CORO2A: variants seen among roughly 807,000 people sequenced by gnomAD.
CORO2A encodes coronin 2A.
CORO2A carries 47 observed loss-of-function variants against 62.4 expected under a neutral mutation model. The observed-to-expected ratio is 0.75, with a 90% CI of 0.60 to 0.96. The LOEUF is 0.96. Ranked by LOEUF, CORO2A falls within the 40% of genes least tolerant of loss-of-function variation. The pLI is 0.00. For synonymous variants in CORO2A, 273 were observed against 268.9 expected (o/e 1.02, Z -0.15); for missense variants, 610 against 684.1 (o/e 0.89, Z 1.21).
chr9:98,165,263 C>T (rs546223073), intron 1 of CORO2A, among the ~76,000 whole-genome samples: 77 of 152,256 alleles, frequency 5.1e-4, no homozygotes, highest in African/African-American at 1.8e-3. Flanking sequence ...CTGGCTTACA[C>T]GTAACAATTC....
intron 2 of CORO2A, among the ~76,000 whole-genome samples, chr9:98,138,777 G>A (rs534130580): frequency 2.6e-5 from 4 of 152,212 alleles, no homozygotes; most frequent in South Asian, 2.1e-4. Context: ...GGCTGGGCGC[G>A]GTGGCTCACG....
intron 10 of CORO2A, among the ~76,000 whole-genome samples, chr9:98,127,299 A>C (rs1827335462): frequency 6.6e-6 from 1 of 152,092 alleles, no homozygotes; most frequent in Admixed American, 6.5e-5. Flanking sequence ...GCTGCCCCCC[A>C]AGGCAGAGGC....
intron 2 of CORO2A, among the ~76,000 whole-genome samples, chr9:98,153,065 T>C (rs1206987227): frequency 2.0e-5 from 3 of 152,190 alleles, no homozygotes; most frequent in Non-Finnish European, 4.4e-5. Context: ...CGAAGTACAG[T>C]ATTTGGGGGT....
chr9:98,135,090 G>C, intron 3 of CORO2A, 135 bp from the exon 4 acceptor site: 2 of 1,173,710 alleles, frequency 1.7e-6, no homozygotes, highest in South Asian at 1.6e-5. Context: ...CCACTCAGTG[G>C]CTATGGGCAT....
rs140507340 is a variant in CORO2A, at chr9:98,183,893, G to A, written c.-1+8666C>T. Among the ~76,000 whole-genome samples the A allele has an allele frequency of 5.3e-3, 803 of 152,290 alleles. 11 individuals carry two copies. The highest frequency in any genetic ancestry group is 0.017 in the African/African-American group (718 of 41,552). On this transcript the variant is annotated intron_variant, in intron 1 of 11. Coordinates refer to ENST00000375077, the MANE Select transcript of CORO2A (RefSeq NM_052820.4). ...CAAGAATCACTTGAACCCGGGAGGC[G>A]GAGTTTGCAGTGAGCTGAGATTGTG...
At chr9:98,130,926 A>G (rs2231664) in intron 7 of CORO2A, 29 bp downstream of exon 7, 1 of 1,580,286 alleles carries the variant, frequency 6.3e-7, no homozygotes, top group Admixed American at 1.7e-5. Context: ...GGGGTCCAGG[A>G]GGTCACCTCC....
intron 1 of CORO2A, among the ~76,000 whole-genome samples, chr9:98,189,219 C>G (rs1436536510): frequency 6.6e-6 from 1 of 152,152 alleles, no homozygotes; most frequent in African/African-American, 2.4e-5. Flanking sequence ...GCCTGCAGAC[C>G]CCCAGGAGGC....
chr9:98,183,174 A>G (rs1442671042), intron 1 of CORO2A, among the ~76,000 whole-genome samples: 4 of 80,600 alleles, frequency 5.0e-5, no homozygotes, highest in Admixed American at 3.9e-4. Flanking sequence ...AAAGCGGCCC[A>G]AACTTCAGCA....
intron 2 of CORO2A, among the ~76,000 whole-genome samples, chr9:98,156,885 G>A (rs1175891357): frequency 6.6e-6 from 1 of 152,176 alleles, no homozygotes; most frequent in East Asian, 1.9e-4. Context: ...GCCCCTTCAG[G>A]TGTTCTGCCT....
intron 5 of CORO2A, 150 bp downstream of exon 5, chr9:98,132,888 G>T: frequency 2.3e-6 from 2 of 860,032 alleles, no homozygotes; most frequent in Non-Finnish European, 3.6e-6. Context: ...CCACCTTCCA[G>T]CAATCCCGAG....
chr9:98,189,507 G>C (rs764616059), intron 1 of CORO2A, among the ~76,000 whole-genome samples: 3 of 152,192 alleles, frequency 2.0e-5, no homozygotes, highest in Non-Finnish European at 2.9e-5. Flanking sequence ...CCTCTAAGGG[G>C]ATTCATTTAA....
chr9:98,139,949 C>A (rs771786893), intron 2 of CORO2A, among the ~76,000 whole-genome samples: 1 of 152,124 alleles, frequency 6.6e-6, no homozygotes, highest in Non-Finnish European at 1.5e-5. Flanking sequence ...GCCACACAGC[C>A]CTGAAGCTAT....
chr9:98,177,831 TAC>T (rs1357720898), intron 1 of CORO2A, among the ~76,000 whole-genome samples: 10 of 151,922 alleles, frequency 6.6e-5, no homozygotes. Context: ...ACAAAACGTA[TAC>T]ACAGAGTGAG....
intron 8 of CORO2A, 106 bp from the exon 9 acceptor site, chr9:98,128,825 C>A: frequency 2.4e-6 from 2 of 820,808 alleles, no homozygotes; most frequent in Non-Finnish European, 2.0e-6. Context: ...CCAGTCTCCT[C>A]CCAGAAAACA....
Position 98,121,135 on chromosome 9 carries a change from C to T in CORO2A, c.*3639G>A, listed in dbSNP as rs1383864906. On this transcript the variant is annotated 3_prime_UTR_variant, in exon 12 of 12. Coordinates refer to ENST00000375077, the MANE Select transcript of CORO2A (RefSeq NM_052820.4). ...ACAATCATTCAAACTGTTTCAGGCACGGTTTCAATTAAAAGCATAGATTTG... is the reference window on the plus strand; with the variant it reads ...ACAATCATTCAAACTGTTTCAGGCATGGTTTCAATTAAAAGCATAGATTTG... The T allele has an allele frequency of 6.6e-5, 10 of 152,170 alleles. No homozygotes were observed. The highest frequency in any genetic ancestry group is 9.7e-5 in the African/African-American group (4 of 41,436). The allele number at this position is 152,170 out of a possible 1,614,324, so 9.4% of individuals were successfully genotyped here. A position where few individuals can be genotyped will look rare whatever the true frequency, so the allele number is the denominator to read the frequency against.
chr9:98,133,174 C>G lies in CORO2A; in HGVS notation c.512G>C (p.Ser171Thr). 1 of 1,614,244 alleles carries G rather than the reference C, an allele frequency of 6.2e-7. No homozygotes were observed. The highest frequency in any genetic ancestry group is 8.5e-7 in the Non-Finnish European group (1 of 1,180,044). The change falls in exon 5 of 12, where the codon AGC becomes ACC. Residue 171 changes from serine to threonine, a missense_variant. By Grantham distance (58) the Ser-to-Thr change is moderately conservative. Coordinates refer to ENST00000375077, the MANE Select transcript of CORO2A (RefSeq NM_052820.4). ...NLDTKESVIT[S>T]PMSTISCHQD... Reference sequence around the variant, plus strand: ...GTGACAGCTAATCGTACTCATGGGGCTTGTGATGACAGACTCCTTTGTATC... The same window carrying G: ...GTGACAGCTAATCGTACTCATGGGGGTTGTGATGACAGACTCCTTTGTATC...
chr9:98,133,248 G>A (rs772375768), intron 4 of CORO2A, 31 bp from the exon 5 acceptor site: 1 of 1,609,462 alleles, frequency 6.2e-7, no homozygotes, highest in Non-Finnish European at 8.5e-7. Flanking sequence ...TCTGAGCACA[G>A]GGGCCACCTT....
intron 9 of CORO2A, 62 bp downstream of exon 9, chr9:98,128,545 G>A: frequency 6.9e-7 from 1 of 1,440,458 alleles, no homozygotes; most frequent in Non-Finnish European, 9.8e-7. Flanking sequence ...CGACAGCCCT[G>A]GGTCTGTCTT....
intron 1 of CORO2A, 147 bp from the exon 2 acceptor site, chr9:98,157,807 C>A: frequency 1.5e-6 from 1 of 676,096 alleles, no homozygotes; most frequent in Non-Finnish European, 2.5e-6. Flanking sequence ...GAAGGGCAAA[C>A]AAGTGAAAAG....
Sources: allele counts gnomAD v4.1 joint callset (sites outside exome capture counted in the v4.1 genomes callset), GRCh38; gene constraint gnomAD v4.1.1; transcripts MANE v1.5; gene names NCBI Gene and HGNC (gene_info 2026-07-23, HGNC 2026-07-21).